The following KCNIP4 variants were observed in gnomAD, a reference collection of about 807,000 sequenced individuals.
KCNIP4 encodes potassium voltage-gated channel interacting protein 4, also known as Kv channel-interacting protein 4.
KCNIP4 carries 12 observed loss-of-function variants against 34.0 expected under a neutral mutation model. The ratio of observed to expected loss-of-function variants is 0.35; its 90% CI spans 0.23 to 0.57. KCNIP4 has a LOEUF of 0.57. Among genes scored for constraint, KCNIP4 ranks in the 20% least tolerant of loss-of-function variants. The pLI, the probability that KCNIP4 is intolerant of heterozygous loss-of-function variation, is 0.83. For synonymous variants in KCNIP4, 124 were observed against 102.2 expected (o/e 1.21, Z -1.29); for missense variants, 238 against 311.7 (o/e 0.76, Z 1.78).
chr4:20,873,863 C>CCCT lies in KCNIP4; in HGVS notation c.163+8742_163+8744dup, dbSNP rs545898368. 1.1e-3 allele frequency among the ~76,000 whole-genome samples: 172 copies of CCCT among 152,272 alleles called. 1 individual carries two copies. Among genetic ancestry groups the CCCT allele is most frequent in the Non-Finnish European group, 2.0e-3 (136 of 68,012 alleles). On this transcript the variant is annotated intron_variant, in intron 2 of 8. Coordinates refer to ENST00000382152, the MANE Select transcript of KCNIP4 (RefSeq NM_025221.6). ...GCTGCTTCTCTTTCATACTTCTTGCCCCTCCTGACTGGCTAAGCTTTATCT... is the reference window on the plus strand; with the variant it reads ...GCTGCTTCTCTTTCATACTTCTTGCCCCTCCTCCTGACTGGCTAAGCTTTATCT...
chr4:20,881,607 G>A (rs1431387069), intron 2 of KCNIP4, among the ~76,000 whole-genome samples: 12 of 152,014 alleles, frequency 7.9e-5, no homozygotes, highest in Admixed American at 7.9e-4. Flanking sequence ...ATAAGCTGAG[G>A]ATTTCCTTTA....
chr4:21,306,604 G>A (rs749758197), intron 1 of KCNIP4, among the ~76,000 whole-genome samples: 20 of 152,150 alleles, frequency 1.3e-4, no homozygotes, highest in Non-Finnish European at 2.5e-4. Context: ...CAAACTAGTA[G>A]TTAATTAAAC....
At chr4:21,698,182 G>A (rs1374696172) in intron 1 of KCNIP4, among the ~76,000 whole-genome samples, 1 of 152,138 alleles carries the variant, frequency 6.6e-6, no homozygotes, top group African/African-American at 2.4e-5. Flanking sequence ...TCTTCTTCAT[G>A]GGCTTAGAGG....
intron 1 of KCNIP4, among the ~76,000 whole-genome samples, chr4:21,025,560 T>TTTG (rs1560656662): frequency 1.6e-5 from 2 of 125,614 alleles, no homozygotes; most frequent in African/African-American, 6.4e-5. Context: ...TTTTTTTTTT[T>TTTG]TTTTTTTTTT....
In KCNIP4 at chr4:20,970,263, G is replaced by A. The variant is rs538890343; in HGVS notation, c.62-87554C>T. Among the ~76,000 whole-genome samples the A allele has an allele frequency of 3.3e-5, 5 of 152,064 alleles. No individual in the cohort carries two copies. In the South Asian group the frequency reaches 1.0e-3, roughly 32 times the overall value. On this transcript the variant is annotated intron_variant, in intron 1 of 8. Coordinates refer to ENST00000382152, the MANE Select transcript of KCNIP4 (RefSeq NM_025221.6). ...GCCAGCGGTTATTCTTAGAATGGTG[G>A]GACTGGGGGTATTTTCTTCATGTTT... is the stretch of plus-strand genomic sequence containing the variant.
intron 1 of KCNIP4, among the ~76,000 whole-genome samples, chr4:21,157,256 T>C (rs934866946): frequency 2.0e-5 from 3 of 152,188 alleles, no homozygotes; most frequent in African/African-American, 7.2e-5. Flanking sequence ...AAATGTCTAC[T>C]ATAATGCATG....
At position 21,119,448 on chromosome 4, in the gene KCNIP4, CA is replaced by C. The variant is rs1553941187; in HGVS notation, c.62-236740del. Among the ~76,000 whole-genome samples, 4 of 143,560 alleles carry C rather than the reference CA, an allele frequency of 2.8e-5. 1 individual carries two copies. Among genetic ancestry groups the C allele is most frequent in the African/African-American group, 7.5e-5 (3 of 39,922 alleles). 94.2% of individuals were successfully genotyped at this position (143,560 alleles called of 152,430 possible). A position where few individuals can be genotyped will look rare whatever the true frequency, so the allele number is the denominator to read the frequency against. Reference sequence around the variant, plus strand: ...ACACTGATGTCTGTGGGTTGGGTCACACCAACCCACAGACATCAGTGTACTC... The same window carrying C: ...ACACTGATGTCTGTGGGTTGGGTCACCCAACCCACAGACATCAGTGTACTC... On this transcript the variant is annotated intron_variant, in intron 1 of 8. Transcript: ENST00000382152.
chr4:21,186,374 T>C (rs1169767884), intron 1 of KCNIP4, among the ~76,000 whole-genome samples: 2 of 152,182 alleles, frequency 1.3e-5, no homozygotes, highest in Admixed American at 6.5e-5. Context: ...TACAGCATTA[T>C]CTCAGAGAGT....
intron 1 of KCNIP4, among the ~76,000 whole-genome samples, chr4:21,536,261 AG>A (rs1737155682): frequency 6.6e-6 from 1 of 152,200 alleles, no homozygotes; most frequent in Non-Finnish European, 1.5e-5. Context: ...TTTGCAAGCC[AG>A]GCAATATTGC....
chr4:21,248,866 C>G (rs770854372), intron 1 of KCNIP4, among the ~76,000 whole-genome samples: 28 of 152,118 alleles, frequency 1.8e-4, no homozygotes, highest in Admixed American at 1.8e-3. Flanking sequence ...AAGTCAAACA[C>G]CTATTAAATG....
chr4:21,339,360 A>G (rs16870865), intron 1 of KCNIP4, among the ~76,000 whole-genome samples: 4,408 of 152,338 alleles, frequency 0.029, 207 homozygotes, highest in East Asian at 0.19. Context: ...TGACAGGTGG[A>G]ATGATACAGT....
chr4:21,078,252 T>C (rs1266830178), intron 1 of KCNIP4, among the ~76,000 whole-genome samples: 1 of 151,990 alleles, frequency 6.6e-6, no homozygotes, highest in Non-Finnish European at 1.5e-5. Context: ...AAGTATCTAG[T>C]TTGGGTAACT....
intron 1 of KCNIP4, among the ~76,000 whole-genome samples, chr4:21,019,415 C>T (rs1161307569): frequency 1.3e-5 from 2 of 152,184 alleles, no homozygotes; most frequent in Admixed American, 6.5e-5. Flanking sequence ...GACTCTGCCT[C>T]GCAAAGTGCT....
chr4:21,202,248 A>G (rs1756550238), intron 1 of KCNIP4, among the ~76,000 whole-genome samples: 1 of 152,398 alleles, frequency 6.6e-6, no homozygotes, highest in East Asian at 1.9e-4. Flanking sequence ...CTATGCAGCC[A>G]TACAAAAGAG....
chr4:21,085,752 G>A (rs1403564621), intron 1 of KCNIP4, among the ~76,000 whole-genome samples: 1 of 152,178 alleles, frequency 6.6e-6, no homozygotes, highest in East Asian at 1.9e-4. Flanking sequence ...AAGGATGGAG[G>A]AAAGCCAATA....
At chr4:21,786,861 C>G (rs190991039) in intron 1 of KCNIP4, among the ~76,000 whole-genome samples, 1 of 151,872 alleles carries the variant, frequency 6.6e-6, no homozygotes, top group Admixed American at 6.6e-5. Context: ...CACCGTGCCC[C>G]GCCGAGAGTA....
At chr4:21,882,579 T>C (rs912793509) in intron 1 of KCNIP4, among the ~76,000 whole-genome samples, 1 of 152,078 alleles carries the variant, frequency 6.6e-6, no homozygotes, top group Non-Finnish European at 1.5e-5. Context: ...AGGAAAAGCT[T>C]GCAGAAGAAG....
intron 1 of KCNIP4, among the ~76,000 whole-genome samples, chr4:21,892,201 G>A (rs996819681): frequency 4.0e-5 from 6 of 151,734 alleles, no homozygotes; most frequent in Non-Finnish European, 8.8e-5. Flanking sequence ...AAGAACCAAG[G>A]GTAAATTAAC....
intron 1 of KCNIP4, among the ~76,000 whole-genome samples, chr4:21,445,388 A>G (rs1036458393): frequency 1.3e-5 from 2 of 152,238 alleles, no homozygotes; most frequent in Non-Finnish European, 2.9e-5. Context: ...ACAAGGCTAC[A>G]GTAACCAAAA....
Sources: allele counts gnomAD v4.1 joint callset (sites outside exome capture counted in the v4.1 genomes callset), GRCh38; gene constraint gnomAD v4.1.1; transcripts MANE v1.5; gene names NCBI Gene and HGNC (gene_info 2026-07-23, HGNC 2026-07-21).